Variants in NTRK2 observed in about 807,000 individuals in gnomAD.
NTRK2 encodes BDNF/NT-3 growth factors receptor.
In NTRK2, 13 loss-of-function variants were observed where a neutral mutation model predicts 94.5. The observed-to-expected ratio is 0.14, with a 90% CI of 0.09 to 0.22. The LOEUF (loss-of-function observed/expected upper bound fraction) is 0.22. NTRK2 is among the 10% of genes least tolerant of loss of function. The probability of loss-of-function intolerance (pLI) is 1.00; values close to 1 mark genes in which losing one functional copy is unlikely to be tolerated. For synonymous variants in NTRK2, 372 were observed against 407.4 expected (o/e 0.91, Z 1.05); for missense variants, 639 against 1,071.2 (o/e 0.60, Z 5.63).
chr9:84,685,868 G>A (rs2059680123), intron 2 of NTRK2, among the ~76,000 whole-genome samples: 1 of 152,194 alleles, frequency 6.6e-6, no homozygotes. Flanking sequence ...ATCAGTGTGT[G>A]CCTGTGCACC....
Position 84,958,799 on chromosome 9 carries a change from G to A in NTRK2, c.2172+3282G>A, listed in dbSNP as rs1006952626. Among the ~76,000 whole-genome samples the A allele has an allele frequency of 4.6e-5, 7 of 152,102 alleles. No homozygotes were observed. The South Asian group carries it at 6.2e-4, about 14-fold the overall frequency. On this transcript the variant is annotated intron_variant, in intron 17 of 18. Transcript: ENST00000277120. ...TGTCAGAATGATGGTTCACCTTTTC[G>A]TTTCATGAAAGTGAATATTTGCCAT...
rs547030880 is a variant in NTRK2 at position 84,892,640 on chromosome 9, G to T, written c.1633+25209G>T. On this transcript the variant is annotated intron_variant, in intron 14 of 18. Transcript: ENST00000277120. ...TGCAGTTCAATATTTACTGTCCTAG[G>T]CTGGGCACAGTGGCTCACGCCTGCA... Among the ~76,000 whole-genome samples the T allele has an allele frequency of 2.0e-5, 3 of 152,324 alleles. No homozygotes were observed. In the South Asian group the frequency reaches 6.2e-4, roughly 32 times the overall value.
rs372647623 is a variant in NTRK2 at position 84,979,058 on chromosome 9, G to A, written c.2172+23541G>A. On this transcript the variant is annotated intron_variant, in intron 17 of 18. Transcript: ENST00000277120. Reference sequence around the variant, plus strand: ...CCAACAGCAATGATGGGATGTACAAGGAGATTCATGTTATTTTCATGCCTG... The same window carrying A: ...CCAACAGCAATGATGGGATGTACAAAGAGATTCATGTTATTTTCATGCCTG... Among the ~76,000 whole-genome samples the A allele has an allele frequency of 6.6e-5, 10 of 152,286 alleles. No individual in the cohort carries two copies. The South Asian group carries it at 1.9e-3, about 28-fold the overall frequency.
intron 14 of NTRK2, among the ~76,000 whole-genome samples, chr9:84,899,885 C>T (rs1425202499): frequency 6.6e-6 from 1 of 152,138 alleles, no homozygotes; most frequent in African/African-American, 2.4e-5. Context: ...GGGTGGACAC[C>T]AAGCTTCTCA....
In NTRK2 at chr9:84,729,652, G is replaced by T. The variant is rs558497740; in HGVS notation, c.1159+1693G>T. On this transcript the variant is annotated intron_variant, in intron 9 of 18. Coordinates refer to ENST00000277120, the MANE Select transcript of NTRK2 (RefSeq NM_006180.6). ...TATCTTACATTACTTTGGTACATTT[G>T]TCACAAATGAGAAACTAATATTGGT... Among the ~76,000 whole-genome samples, 4 of 152,248 alleles carry T rather than the reference G, an allele frequency of 2.6e-5. No individual in the cohort carries two copies. The East Asian group carries it at 7.7e-4, about 29-fold the overall frequency.
rs997731490 is a variant in NTRK2 at position 84,670,485 on chromosome 9, C to G, written c.-264C>G. Reference sequence around the variant, plus strand: ...CCCGGCGCGCCGGGCCATGCAGCGACGGCCGCCGCGGAGCTCCGAGCAGCG... The same window carrying G: ...CCCGGCGCGCCGGGCCATGCAGCGAGGGCCGCCGCGGAGCTCCGAGCAGCG... On this transcript the variant is annotated 5_prime_UTR_variant, in exon 2 of 19. Transcript: ENST00000277120. 1 of 519,466 alleles carries G rather than the reference C, an allele frequency of 1.9e-6. No individual in the cohort carries two copies. Among genetic ancestry groups the G allele is most frequent in the African/African-American group, 1.9e-5 (1 of 52,354 alleles). The allele number at this position is 519,466 out of a possible 1,614,324, so 32.2% of individuals were successfully genotyped here.
chr9:84,881,413 G>C (rs2076250986), intron 14 of NTRK2, among the ~76,000 whole-genome samples: 1 of 152,172 alleles, frequency 6.6e-6, no homozygotes, highest in Non-Finnish European at 1.5e-5. Flanking sequence ...AGTAGTCAAT[G>C]ACTGATATAA....
At chr9:84,926,585 C>A (rs1199866920) in intron 14 of NTRK2, among the ~76,000 whole-genome samples, 1 of 152,048 alleles carries the variant, frequency 6.6e-6, no homozygotes, top group East Asian at 1.9e-4. Flanking sequence ...TTTGGAAAAA[C>A]CAAGATAAAT....
At chr9:84,707,731 C>A (rs948510284) in intron 4 of NTRK2, 113 bp from the exon 5 acceptor site, 7 of 823,876 alleles carry the variant, frequency 8.5e-6, no homozygotes, top group Non-Finnish European at 1.4e-5. Flanking sequence ...GTAAGTAAAG[C>A]TTATATAATG....
intron 12 of NTRK2, chr9:84,810,508 G>A (rs754606731): frequency 4.4e-6 from 7 of 1,591,588 alleles, no homozygotes; most frequent in African/African-American, 2.7e-5. Context: ...TTTCTTTTGA[G>A]CATGACTTAT....
At chr9:84,669,075 G>T (rs2058539024), upstream of NTRK2, among the ~76,000 whole-genome samples, 1 of 152,118 alleles carries the variant, frequency 6.6e-6, no homozygotes, top group African/African-American at 2.4e-5. The surrounding 1 kb of genome is among the most constrained non-coding windows in gnomAD (Gnocchi z 4.1). Flanking sequence ...CCTTCCCTCT[G>T]CAAAAGCACC....
chr9:84,713,668 T>C (rs2061542163), intron 6 of NTRK2, among the ~76,000 whole-genome samples: 1 of 152,200 alleles, frequency 6.6e-6, no homozygotes, highest in African/African-American at 2.4e-5. Context: ...TGGAATTTGC[T>C]GAGTAAAAAA....
At chr9:84,846,064 A>G (rs907325327) in intron 12 of NTRK2, among the ~76,000 whole-genome samples, 4 of 152,226 alleles carry the variant, frequency 2.6e-5, no homozygotes, top group African/African-American at 9.6e-5. Flanking sequence ...CAAGGACATA[A>G]ATAGAGATAT....
chr9:84,971,063 A>G (rs571806080), intron 17 of NTRK2, among the ~76,000 whole-genome samples: 1 of 152,348 alleles, frequency 6.6e-6, no homozygotes, highest in South Asian at 2.1e-4. Flanking sequence ...GTGTTTAGCT[A>G]TGCTTGAAGA....
At chr9:84,920,087 C>G (rs2132565624) in intron 14 of NTRK2, among the ~76,000 whole-genome samples, 1 of 152,320 alleles carries the variant, frequency 6.6e-6, no homozygotes, top group Middle Eastern at 3.4e-3. Context: ...CTGTGGTTTT[C>G]ACTTTTCCTA....
chr9:84,805,575 T>C (rs2133455895), intron 12 of NTRK2, among the ~76,000 whole-genome samples: 1 of 152,358 alleles, frequency 6.6e-6, no homozygotes, highest in South Asian at 2.1e-4. Flanking sequence ...TCCTGCATTG[T>C]GTTGCATCCT....
intron 12 of NTRK2, among the ~76,000 whole-genome samples, chr9:84,785,150 T>A (rs912974787): frequency 6.6e-6 from 1 of 152,220 alleles, no homozygotes; most frequent in African/African-American, 2.4e-5. Flanking sequence ...GAACAGATGA[T>A]GTTAGCAGTG....
intron 12 of NTRK2, chr9:84,810,531 G>A: frequency 6.2e-7 from 1 of 1,611,630 alleles, no homozygotes; most frequent in Non-Finnish European, 8.5e-7. Context: ...TTTATTTTGT[G>A]TTTCTTTTAG....
chr9:84,803,779 T>C (rs896987863), intron 12 of NTRK2, among the ~76,000 whole-genome samples: 1 of 152,228 alleles, frequency 6.6e-6, no homozygotes, highest in African/African-American at 2.4e-5. Flanking sequence ...TCATGGGGAT[T>C]ATTAGCCCCA....
Sources: gnomAD v4.1 joint callset for allele counts (sites outside exome capture counted in the v4.1 genomes callset) on GRCh38, gnomAD v4.1.1 for gene constraint, Gnocchi (gnomAD v3.1) non-coding constraint, MANE v1.5 for transcripts, NCBI Gene and HGNC (gene_info 2026-07-23, HGNC 2026-07-21) for gene names.